IL17RD: variants seen among roughly 807,000 people sequenced by gnomAD.
IL17RD encodes the protein interleukin-17 receptor D.
IL17RD carries 52 observed loss-of-function variants against 80.5 expected under a neutral mutation model. The observed-to-expected ratio is 0.65, with a 90% CI of 0.52 to 0.81. IL17RD has a LOEUF of 0.81. Among genes scored for constraint, IL17RD ranks in the 40% least tolerant of loss-of-function variants. The probability of loss-of-function intolerance (pLI) is 0.00; values close to 1 mark genes in which losing one functional copy is unlikely to be tolerated. For missense variants in IL17RD, 1,024 were observed against 955.1 expected (o/e 1.07, Z -0.95); for synonymous variants, 416 against 391.8 (o/e 1.06, Z -0.73).
intron 2 of IL17RD, among the ~76,000 whole-genome samples, chr3:57,115,760 A>G (rs1029802660): frequency 7.2e-5 from 11 of 152,148 alleles, no homozygotes; most frequent in Non-Finnish European, 1.3e-4. Flanking sequence ...TCAGACTTGA[A>G]CACCCTCTCT....
intron 10 of IL17RD, 31 bp from the exon 11 acceptor site, chr3:57,101,394 T>C: frequency 7.1e-7 from 1 of 1,412,384 alleles, no homozygotes; most frequent in Non-Finnish European, 9.8e-7. Flanking sequence ...AGGTTGATAC[T>C]TGCAAGCAAC....
rs1559476721 is a variant in IL17RD at position 57,127,231 on chromosome 3, AAAATATATAAATATATATAT to A, written c.127-6938_127-6919del. Among the ~76,000 whole-genome samples the A allele has an allele frequency of 1.5e-3, 157 of 103,704 alleles. 1 individual carries two copies. Among genetic ancestry groups the A allele is most frequent in the Middle Eastern group, 4.1e-3 (1 of 244 alleles). 68.0% of individuals were successfully genotyped at this position (103,704 alleles called of 152,430 possible). ...ATAAAAATATATATAAATATATATA[AAAATATATAAATATATATAT>A]AAATATATATAAATATATATAAAAA... On this transcript the variant is annotated intron_variant, in intron 1 of 12. Coordinates refer to ENST00000296318, the MANE Select transcript of IL17RD (RefSeq NM_017563.5).
In IL17RD at chr3:57,096,362, A is replaced by T; in HGVS notation, c.*31T>A. On this transcript the variant is annotated 3_prime_UTR_variant, in exon 13 of 13. Transcript: ENST00000296318. The stretch of plus-strand genomic sequence containing the variant: ...GGGGAATCAGAGGGAGGCAGCAGCT[A>T]AAGTGGCAATGCTTAGACTCTTTCG... 1 of 1,446,278 alleles carries T rather than the reference A, an allele frequency of 6.9e-7. No homozygotes were observed. Among genetic ancestry groups the T allele is most frequent in the Non-Finnish European group, 9.7e-7 (1 of 1,026,622 alleles). The allele number at this position is 1,446,278 out of a possible 1,614,324, so 89.6% of individuals were successfully genotyped here.
chr3:57,120,577 T>C (rs911615768), intron 1 of IL17RD, among the ~76,000 whole-genome samples: 1 of 152,196 alleles, frequency 6.6e-6, no homozygotes, highest in Admixed American at 6.5e-5. Context: ...TGTTCTATGT[T>C]TAGGGGTTAA....
intron 11 of IL17RD, among the ~76,000 whole-genome samples, chr3:57,099,437 T>C (rs1706777288): frequency 6.6e-6 from 1 of 152,228 alleles, no homozygotes; most frequent in African/African-American, 2.4e-5. Flanking sequence ...CTCTTGGTTA[T>C]TGTGTTGATG....
intron 1 of IL17RD, among the ~76,000 whole-genome samples, chr3:57,159,325 G>A (rs1313660526): frequency 6.6e-6 from 1 of 152,186 alleles, no homozygotes; most frequent in East Asian, 1.9e-4. Flanking sequence ...TTGAGGGCTT[G>A]TGTCTTTTCA....
intron 1 of IL17RD, among the ~76,000 whole-genome samples, chr3:57,162,761 G>A: frequency 6.6e-6 from 1 of 152,174 alleles, no homozygotes; most frequent in Admixed American, 6.5e-5. Flanking sequence ...AATATTTACA[G>A]GGCTCTGACG....
At chr3:57,145,067 T>C (rs1039613739) in intron 1 of IL17RD, among the ~76,000 whole-genome samples, 1 of 152,222 alleles carries the variant, frequency 6.6e-6, no homozygotes, top group African/African-American at 2.4e-5. Flanking sequence ...AAACTATTTC[T>C]GTATCTGTGA....
chr3:57,123,263 C>T (rs761284490), intron 1 of IL17RD, among the ~76,000 whole-genome samples: 1 of 152,210 alleles, frequency 6.6e-6, no homozygotes, highest in Non-Finnish European at 1.5e-5. Flanking sequence ...CAGGTCTTGA[C>T]CTCAAGGGGC....
chr3:57,135,116 C>T (rs1270371814), intron 1 of IL17RD, among the ~76,000 whole-genome samples: 2 of 149,804 alleles, frequency 1.3e-5, no homozygotes, highest in Non-Finnish European at 2.9e-5. Context: ...TCAAAACAAA[C>T]AAAAACAAAC....
At chr3:57,146,749 CAAA>C (rs201495065) in intron 1 of IL17RD, among the ~76,000 whole-genome samples, 11 of 75,258 alleles carry the variant, frequency 1.5e-4, no homozygotes, top group East Asian at 3.4e-4. Context: ...GACTGCATCT[CAAA>C]AAAAAAAAAA....
In IL17RD at chr3:57,097,860, G is replaced by C. The variant is rs760291038; in HGVS notation, c.1843C>G (p.Pro615Ala). ...TGACTCTCGTGCTGGGAGTCGGCTG[G>C]TCCGGTTGCCCCAAGAACAGCCGCC... ...VEAAVLGATG[P>A]ADSQHESQHG... Residue 615 changes from proline to alanine, a missense_variant, in exon 12 of 13, where the codon CCA becomes GCA. Transcript: ENST00000296318. 1 of 1,613,632 alleles carries C rather than the reference G, an allele frequency of 6.2e-7. No homozygotes were observed. Among genetic ancestry groups the C allele is most frequent in the Non-Finnish European group, 8.5e-7 (1 of 1,179,788 alleles).
intron 2 of IL17RD, among the ~76,000 whole-genome samples, chr3:57,117,144 C>T (rs1416455941): frequency 7.2e-6 from 1 of 138,076 alleles, no homozygotes; most frequent in Non-Finnish European, 1.5e-5. Flanking sequence ...GACAGAGTCT[C>T]GCTCTGTCAC....
chr3:57,160,755 C>A (rs2060298532), intron 1 of IL17RD, among the ~76,000 whole-genome samples: 1 of 152,196 alleles, frequency 6.6e-6, no homozygotes, highest in African/African-American at 2.4e-5. Flanking sequence ...GGACCCCTGT[C>A]CCCTAAAACA....
intron 1 of IL17RD, among the ~76,000 whole-genome samples, chr3:57,149,959 A>G (rs1708021169): frequency 6.6e-6 from 1 of 152,220 alleles, no homozygotes; most frequent in South Asian, 2.1e-4. Context: ...ATATGCATAT[A>G]TATGTATGTA....
chr3:57,106,020 T>C lies in IL17RD; in HGVS notation c.596-12A>G, dbSNP rs201365524. On this transcript the variant is annotated splice_polypyrimidine_tract_variant and intron_variant, in intron 6 of 12. Coordinates refer to ENST00000296318, the MANE Select transcript of IL17RD (RefSeq NM_017563.5). ...CCGAGGCTTCCAGACTGGAAGAAGG[T>C]AGGACCCAGAGTGAGCAACCAGAGG... 24 of 1,613,652 alleles carry C rather than the reference T, an allele frequency of 1.5e-5. No individual in the cohort carries two copies. Among genetic ancestry groups the C allele is most frequent in the African/African-American group, 2.7e-5 (2 of 75,002 alleles).
intron 1 of IL17RD, among the ~76,000 whole-genome samples, chr3:57,122,740 CTTTTTTTTTT>C (rs754491969): frequency 8.5e-6 from 1 of 117,030 alleles, no homozygotes; most frequent in East Asian, 2.4e-4. Context: ...CCTCAACTGT[CTTTTTTTTTT>C]TTTTTTTTTT....
At chr3:57,134,433 C>A in intron 1 of IL17RD, 1 of 764,132 alleles carries the variant, frequency 1.3e-6, no homozygotes, top group Non-Finnish European at 2.3e-6. Flanking sequence ...GAGGAGAATG[C>A]GGATTCTGTG....
intron 4 of IL17RD, 142 bp from the exon 5 acceptor site, chr3:57,109,799 G>C: frequency 1.2e-6 from 1 of 857,744 alleles, no homozygotes; most frequent in Non-Finnish European, 1.8e-6. Flanking sequence ...AGGAAGTCAG[G>C]TCTAGTTTCT....
Sources: gnomAD v4.1 joint callset for allele counts (sites outside exome capture counted in the v4.1 genomes callset) on GRCh38, gnomAD v4.1.1 for gene constraint, MANE v1.5 for transcripts, NCBI Gene and HGNC (gene_info 2026-07-23, HGNC 2026-07-21) for gene names.